DNMT3A: variants seen among roughly 807,000 people sequenced by gnomAD.
The protein encoded by DNMT3A is DNA methyltransferase 3 alpha.
A neutral mutation model predicts 117.6 loss-of-function variants in DNMT3A; 267 were observed. The observed-to-expected ratio is 2.27, with a 90% CI of 2.05 to 2.51. The LOEUF (loss-of-function observed/expected upper bound fraction) is 2.51. Among genes scored for constraint, DNMT3A ranks in the 30% most tolerant of loss-of-function variants. The probability of loss-of-function intolerance (pLI) is 0.00; values close to 1 mark genes in which losing one functional copy is unlikely to be tolerated. For missense variants in DNMT3A, 1,029 were observed against 1,260.2 expected (o/e 0.82, Z 2.78); for synonymous variants, 432 against 474.8 (o/e 0.91, Z 1.17).
In DNMT3A at chr2:25,248,404, T is replaced by C. The variant is rs1675119722; in HGVS notation, c.640-152A>G. On this transcript the variant is annotated intron_variant, in intron 6 of 22. Coordinates refer to ENST00000321117, the MANE Select transcript of DNMT3A (RefSeq NM_022552.5). Reference sequence around the variant, plus strand: ...CAACCAGCTGCCTTGCCGTGAAAAATGGAAAGACTTGAAGTAGAGAGGTGA... The same window carrying C: ...CAACCAGCTGCCTTGCCGTGAAAAACGGAAAGACTTGAAGTAGAGAGGTGA... 1.8e-5 allele frequency: 15 copies of C among 817,278 alleles called. No homozygotes were observed. In the South Asian group the frequency reaches 2.5e-4, roughly 14 times the overall value. 50.6% of individuals were successfully genotyped at this position (817,278 alleles called of 1,614,324 possible). A position where few individuals can be genotyped will look rare whatever the true frequency, so the allele number is the denominator to read the frequency against.
At chr2:25,265,520 G>T (rs565916448) in intron 6 of DNMT3A, among the ~76,000 whole-genome samples, 6 of 152,090 alleles carry the variant, frequency 3.9e-5, no homozygotes, top group Non-Finnish European at 5.9e-5. Context: ...CAAAATACAG[G>T]TTAAAAAAAT....
upstream of DNMT3A, chr2:25,341,926 GCCCT>G (rs567631863): frequency 7.2e-6 from 7 of 973,390 alleles, no homozygotes; most frequent in Admixed American, 6.5e-5. Context: ...CCGCCCGCGC[GCCCT>G]CCCTCCCTCC....
chr2:25,325,468 C>T (rs2034750759), intron 1 of DNMT3A, among the ~76,000 whole-genome samples: 1 of 152,190 alleles, frequency 6.6e-6, no homozygotes, highest in Non-Finnish European at 1.5e-5. Flanking sequence ...ACTTTTCCAA[C>T]CTTCTCTACA....
intron 3 of DNMT3A, among the ~76,000 whole-genome samples, chr2:25,283,360 CAAAAA>C (rs56884375): frequency 3.0e-5 from 2 of 66,364 alleles, no homozygotes; most frequent in Non-Finnish European, 6.1e-5. Context: ...GACTCCGCCT[CAAAAA>C]AAAAAAAAAA....
intron 2 of DNMT3A, among the ~76,000 whole-genome samples, chr2:25,308,785 G>A (rs991484372): frequency 9.2e-5 from 14 of 152,162 alleles, no homozygotes; most frequent in Non-Finnish European, 1.3e-4. Context: ...GTGACAGACC[G>A]CGGGCAGCAA....
intron 2 of DNMT3A, among the ~76,000 whole-genome samples, chr2:25,312,508 C>T (rs1175447070): frequency 6.6e-6 from 1 of 152,152 alleles, no homozygotes; most frequent in African/African-American, 2.4e-5. Flanking sequence ...ATGTGCACTC[C>T]TGGGATGTGT....
chr2:25,247,380 G>T lies in DNMT3A; in HGVS notation c.1014+211C>A. ...AGGAATTCTAGTGAATAGGTTCCTG[G>T]AAGGCTAAAACTGGGCCAGCATCCT... On this transcript the variant is annotated intron_variant, in intron 8 of 22. Transcript: ENST00000321117. The surrounding 1 kb of genome is among the most constrained non-coding windows in gnomAD (Gnocchi z 5.6). 1.2e-6 allele frequency: 1 copy of T among 857,496 alleles called. No homozygotes were observed. The highest frequency in any genetic ancestry group is 1.8e-6 in the Non-Finnish European group (1 of 566,508). The allele number at this position is 857,496 out of a possible 1,614,324, so 53.1% of individuals were successfully genotyped here.
At chr2:25,320,179 C>T (rs995405155) in intron 1 of DNMT3A, among the ~76,000 whole-genome samples, 8 of 152,140 alleles carry the variant, frequency 5.3e-5, no homozygotes, top group African/African-American at 1.4e-4. Context: ...AGATTCCAAC[C>T]GGAAAGTAAT....
intron 18 of DNMT3A, 93 bp from the exon 19 acceptor site, chr2:25,240,543 C>T: frequency 6.3e-7 from 1 of 1,589,120 alleles, no homozygotes; most frequent in Non-Finnish European, 8.6e-7. Flanking sequence ...AAGACAGGGT[C>T]ATCGGGAATA....
At position 25,294,109 on chromosome 2, in the gene DNMT3A, C is replaced by G. The variant is rs372596804; in HGVS notation, c.177+6030G>C. Among the ~76,000 whole-genome samples, 1 of 152,304 alleles carries G rather than the reference C, an allele frequency of 6.6e-6. No individual in the cohort carries two copies. Among genetic ancestry groups the G allele is most frequent in the East Asian group, 1.9e-4 (1 of 5,176 alleles). On this transcript the variant is annotated intron_variant, in intron 3 of 22. Transcript: ENST00000321117. The surrounding 1 kb of genome is among the most constrained non-coding windows in gnomAD (Gnocchi z 4.7). ...CCTCCACACCCAGCTCAGCTGGGGT[C>G]GGGGGTGCCTCTCACTTTCCCCTTG...
In DNMT3A at chr2:25,245,303, C is replaced by CA; in HGVS notation, c.1503dup (p.Val502CysfsTer44). The CA allele has an allele frequency of 6.2e-7, 1 of 1,613,948 alleles. No homozygotes were observed. The highest frequency in any genetic ancestry group is 8.5e-7 in the Non-Finnish European group (1 of 1,179,980). On this transcript the variant is annotated frameshift_variant, in exon 13 of 23. Transcript: ENST00000321117. LOFTEE classifies it high-confidence loss of function. ...ACGAAGAGGGGGTGTTCCAGGGTAA[C>CA]ATTGAGGCTCCCACAGGAGATGCAG...
chr2:25,327,669 C>T lies in DNMT3A; in HGVS notation c.-177-13508G>A, dbSNP rs1206151488. Among the ~76,000 whole-genome samples, 4 of 152,242 alleles carry T rather than the reference C, an allele frequency of 2.6e-5. No homozygotes were observed. The highest frequency in any genetic ancestry group is 5.9e-5 in the Non-Finnish European group (4 of 68,048). On this transcript the variant is annotated intron_variant, in intron 1 of 22. Transcript: ENST00000321117. The surrounding 1 kb of genome is among the most constrained non-coding windows in gnomAD (Gnocchi z 4.1). ...CTCTCTAAATGCTCTTCCTCTAAGA[C>T]ACCTGGGCATAAGTTAACATACGCC...
intron 1 of DNMT3A, among the ~76,000 whole-genome samples, chr2:25,340,931 G>T (rs2035401880): frequency 7.3e-6 from 1 of 136,910 alleles, no homozygotes; most frequent in African/African-American, 2.7e-5. Flanking sequence ...CACCGCGGCC[G>T]CCCGGGCACC....
At chr2:25,235,585 A>C in intron 22 of DNMT3A, 122 bp downstream of exon 22, 1 of 755,568 alleles carries the variant, frequency 1.3e-6, no homozygotes, top group South Asian at 1.7e-5. Flanking sequence ...TGCTTGATAA[A>C]ACCCACTGTT....
intron 20 of DNMT3A, among the ~76,000 whole-genome samples, chr2:25,238,463 C>T (rs550207214): frequency 1.3e-4 from 20 of 152,310 alleles, no homozygotes; most frequent in African/African-American, 4.8e-4. Flanking sequence ...CGCTTCCCTC[C>T]ACAATGGACA....
upstream of DNMT3A, among the ~76,000 whole-genome samples, chr2:25,342,226 C>T (rs1264394428): frequency 6.8e-6 from 1 of 147,118 alleles, no homozygotes; most frequent in Non-Finnish European, 1.5e-5. This position sits in a 1 kb window ranked among gnomAD's most constrained non-coding sequence, Gnocchi z 5.9. Context: ...GTCCTAGCGC[C>T]CTCGGCGCGA....
At chr2:25,248,720 G>T (rs113786391) in intron 6 of DNMT3A, among the ~76,000 whole-genome samples, 1 of 151,980 alleles carries the variant, frequency 6.6e-6, no homozygotes, top group South Asian at 2.1e-4. Flanking sequence ...GCTAATTTTT[G>T]TATTTTTAGT....
chr2:25,332,982 A>G (rs1477942837), intron 1 of DNMT3A, among the ~76,000 whole-genome samples: 1 of 152,222 alleles, frequency 6.6e-6, no homozygotes, highest in Non-Finnish European at 1.5e-5. Context: ...GTGGGCAGGG[A>G]GGGAAAGAGG....
At position 25,252,022 on chromosome 2, in the gene DNMT3A, C is replaced by G; in HGVS notation, c.640-3770G>C. 1.3e-6 allele frequency: 1 copy of G among 796,712 alleles called. No individual in the cohort carries two copies. Among genetic ancestry groups the G allele is most frequent in the East Asian group, 3.3e-5 (1 of 30,392 alleles). The allele number at this position is 796,712 out of a possible 1,614,324, so 49.4% of individuals were successfully genotyped here. On this transcript the variant is annotated intron_variant, in intron 6 of 22. Coordinates refer to ENST00000321117, the MANE Select transcript of DNMT3A (RefSeq NM_022552.5). The surrounding 1 kb of genome is among the most constrained non-coding windows in gnomAD (Gnocchi z 5.5). Reference sequence around the variant, plus strand: ...GGCTCGTGGGCAGGAAGGCGGCGGGCCAGCACTAAGTCAGCATCTCCAGAA... The same window carrying G: ...GGCTCGTGGGCAGGAAGGCGGCGGGGCAGCACTAAGTCAGCATCTCCAGAA...
Sources: gnomAD v4.1 joint callset for allele counts (sites outside exome capture counted in the v4.1 genomes callset) on GRCh38, gnomAD v4.1.1 for gene constraint, Gnocchi (gnomAD v3.1) non-coding constraint, MANE v1.5 for transcripts, NCBI Gene and HGNC (gene_info 2026-07-23, HGNC 2026-07-21) for gene names.